Variants in JAKMIP2 observed in about 807,000 individuals in gnomAD.
JAKMIP2 encodes the protein janus kinase and microtubule-interacting protein 2.
A neutral mutation model predicts 115.0 loss-of-function variants in JAKMIP2; 25 were observed. That is an observed-to-expected ratio of 0.22 (90% CI 0.16 to 0.30). JAKMIP2 has a LOEUF of 0.30. Ranked by LOEUF, JAKMIP2 falls within the 10% of genes least tolerant of loss-of-function variation. The pLI, the probability that JAKMIP2 is intolerant of heterozygous loss-of-function variation, is 1.00. For missense variants in JAKMIP2, 642 were observed against 957.6 expected (o/e 0.67, Z 4.35); for synonymous variants, 334 against 343.6 (o/e 0.97, Z 0.31).
At chr5:147,595,634 C>A in intron 21 of JAKMIP2, 1 of 401,712 alleles carries the variant, frequency 2.5e-6, no homozygotes. Flanking sequence ...TTATAATGGT[C>A]TCCATTATGC....
At chr5:147,712,714 A>T (rs1304780897) in intron 1 of JAKMIP2, among the ~76,000 whole-genome samples, 1 of 152,128 alleles carries the variant, frequency 6.6e-6, no homozygotes, top group Non-Finnish European at 1.5e-5. Context: ...ATCCATCTTA[A>T]TTTTGACATC....
chr5:147,706,638 T>C lies in JAKMIP2; in HGVS notation c.-148-34684A>G, dbSNP rs10515591. Among the ~76,000 whole-genome samples, 1,401 of 152,270 alleles carry C rather than the reference T, an allele frequency of 9.2e-3. 16 individuals are homozygous for C. Among genetic ancestry groups the C allele is most frequent in the African/African-American group, 0.031 (1,295 of 41,554 alleles). ...TATATTCTACCATTTATCCTAAAAA[T>C]TATGATCTACCCAAATATTACTGAT... On this transcript the variant is annotated intron_variant, in intron 1 of 21. Coordinates refer to ENST00000616793, the MANE Select transcript of JAKMIP2 (RefSeq NM_001270941.2).
At chr5:147,684,702 T>C (rs1326227668) in intron 1 of JAKMIP2, among the ~76,000 whole-genome samples, 3 of 152,184 alleles carry the variant, frequency 2.0e-5, no homozygotes, top group Non-Finnish European at 4.4e-5. Context: ...GTTTAATAAT[T>C]ACTGGGAATG....
At chr5:147,616,158 C>T (rs535836515) in intron 19 of JAKMIP2, among the ~76,000 whole-genome samples, 31 of 152,012 alleles carry the variant, frequency 2.0e-4, no homozygotes, top group African/African-American at 5.8e-4. Context: ...TCAAGCAGAA[C>T]GGTGTAATAC....
At chr5:147,718,302 A>T (rs1349646478) in intron 1 of JAKMIP2, among the ~76,000 whole-genome samples, 1 of 149,650 alleles carries the variant, frequency 6.7e-6, no homozygotes, top group Non-Finnish European at 1.5e-5. Flanking sequence ...ATTGGTCTAA[A>T]ATTCTCTTTT....
chr5:147,703,508 T>C (rs1271880856), intron 1 of JAKMIP2, among the ~76,000 whole-genome samples: 1 of 152,078 alleles, frequency 6.6e-6, no homozygotes. Context: ...TATATCACTG[T>C]AGACATTATA....
Position 147,641,750 on chromosome 5 carries a change from G to C in JAKMIP2, c.1239C>G (p.Leu413=). ...IDELTRDREK[L]IRRRKHRRSS... ...TTCTTCTATGCTTTCTTCTACGGATGAGCTTTTCTCGGTCCTGGAAAACAG... is the reference window on the plus strand; with the variant it reads ...TTCTTCTATGCTTTCTTCTACGGATCAGCTTTTCTCGGTCCTGGAAAACAG... The change falls in exon 8 of 22, where the codon CTC becomes CTG. Residue 413 remains leucine, a synonymous_variant. Coordinates refer to ENST00000616793, the MANE Select transcript of JAKMIP2 (RefSeq NM_001270941.2). 1 of 1,613,150 alleles carries C rather than the reference G, an allele frequency of 6.2e-7. No individual in the cohort carries two copies. Among genetic ancestry groups the C allele is most frequent in the Non-Finnish European group, 8.5e-7 (1 of 1,179,276 alleles).
In JAKMIP2 at chr5:147,648,463, T is replaced by A; in HGVS notation, c.849A>T (p.Arg283Ser). The A allele has an allele frequency of 6.3e-7, 1 of 1,590,698 alleles. No individual in the cohort carries two copies. Among genetic ancestry groups the A allele is most frequent in the Non-Finnish European group, 8.6e-7 (1 of 1,160,226 alleles). The change falls in exon 5 of 22, where the codon AGA becomes AGT. Residue 283 changes from arginine to serine, a missense_variant. Physicochemically the swap from Arg to Ser is moderately radical, Grantham distance 110. Transcript: ENST00000616793. ...SEHCSSPDLR[R>S]NQKRIAELNA... The stretch of plus-strand genomic sequence containing the variant: ...TCAATTCAGCTATTCTCTTTTGATT[T>A]CTTCGCAAATCCTACAAAGAAAAAT...
chr5:147,704,284 A>G (rs1320083837), intron 1 of JAKMIP2, among the ~76,000 whole-genome samples: 1 of 152,192 alleles, frequency 6.6e-6, no homozygotes, highest in Non-Finnish European at 1.5e-5. Context: ...GCAATGCTGT[A>G]GATTTGTTTA....
rs1331170297 is a variant in JAKMIP2, at chr5:147,721,802, C to T, written c.-148-49848G>A. Among the ~76,000 whole-genome samples the T allele has an allele frequency of 1.3e-5, 2 of 152,148 alleles. 1 individual carries two copies. Among genetic ancestry groups the T allele is most frequent in the Non-Finnish European group, 2.9e-5 (2 of 68,028 alleles). On this transcript the variant is annotated intron_variant, in intron 1 of 21. Transcript: ENST00000616793. ...ACCTCAGATGGAAATGCAGAAATCA[C>T]CGTCTTCTGCGTCGCTCATGCTGGG...
intron 1 of JAKMIP2, among the ~76,000 whole-genome samples, chr5:147,746,001 T>C (rs184900778): frequency 6.0e-4 from 92 of 152,322 alleles, no homozygotes; most frequent in Non-Finnish European, 1.2e-3. Context: ...TTTACAATTA[T>C]TATTGTTTCT....
At chr5:147,685,756 G>A (rs546024170) in intron 1 of JAKMIP2, among the ~76,000 whole-genome samples, 120 of 152,278 alleles carry the variant, frequency 7.9e-4, no homozygotes, top group African/African-American at 2.8e-3. Flanking sequence ...GAAGTAGATA[G>A]CATATATGTT....
intron 1 of JAKMIP2, among the ~76,000 whole-genome samples, chr5:147,771,652 A>G (rs1173728033): frequency 2.0e-5 from 3 of 152,112 alleles, no homozygotes; most frequent in African/African-American, 7.2e-5. Flanking sequence ...GTTTAGGGCC[A>G]TTAGTTACAA....
Position 147,742,155 on chromosome 5 carries a change from A to ATATATTT in JAKMIP2, c.-149+40300_-149+40301insAAATATA. On this transcript the variant is annotated intron_variant, in intron 1 of 21. Transcript: ENST00000616793. ...TGTGGATCATTATATATATATATAT[A>ATATATTT]TTTTTTTTACTATTGTATTGTATCT... 5.7e-4 allele frequency among the ~76,000 whole-genome samples: 62 copies of ATATATTT among 108,906 alleles called. 3 individuals carry two copies. The highest frequency in any genetic ancestry group is 2.2e-3 in the African/African-American group (59 of 26,450). 71.4% of individuals were successfully genotyped at this position (108,906 alleles called of 152,430 possible).
intron 11 of JAKMIP2, 67 bp downstream of exon 11, chr5:147,636,898 G>A: frequency 2.3e-6 from 2 of 864,046 alleles, no homozygotes; most frequent in Non-Finnish European, 4.0e-6. Context: ...CCCATGCACA[G>A]GTGAGCTACA....
intron 1 of JAKMIP2, among the ~76,000 whole-genome samples, chr5:147,726,865 T>C (rs1311568145): frequency 6.6e-6 from 1 of 152,260 alleles, no homozygotes; most frequent in South Asian, 2.1e-4. Flanking sequence ...TAGGGGTTCA[T>C]GTTGTAGTTA....
At chr5:147,720,387 C>T (rs1374497546) in intron 1 of JAKMIP2, among the ~76,000 whole-genome samples, 100 of 148,736 alleles carry the variant, frequency 6.7e-4, no homozygotes, top group African/African-American at 2.2e-3. Flanking sequence ...TGAATCTGAA[C>T]GTTGGCCTGC....
intron 1 of JAKMIP2, among the ~76,000 whole-genome samples, chr5:147,695,331 A>C (rs1580794701): frequency 6.6e-6 from 1 of 152,322 alleles, no homozygotes; most frequent in Admixed American, 6.5e-5. Context: ...ACTACCTCTA[A>C]GGTAGAAGAC....
chr5:147,717,454 G>A (rs1478485247), intron 1 of JAKMIP2, among the ~76,000 whole-genome samples: 41 of 133,378 alleles, frequency 3.1e-4, no homozygotes, highest in African/African-American at 1.0e-3. Context: ...CCATTTTCAC[G>A]ATATTGATTC....
Sources: allele counts gnomAD v4.1 joint callset (sites outside exome capture counted in the v4.1 genomes callset), GRCh38; gene constraint gnomAD v4.1.1; transcripts MANE v1.5; gene names NCBI Gene and HGNC (gene_info 2026-07-23, HGNC 2026-07-21).